BAHCC1: variants seen among roughly 807,000 people sequenced by gnomAD.
BAHCC1 encodes BAH domain and coiled-coil containing 1.
Under a neutral mutation model 88.2 loss-of-function variants are expected in BAHCC1, and 43 were observed. The ratio of observed to expected loss-of-function variants is 0.49; its 90% confidence interval spans 0.38 to 0.63. The LOEUF (loss-of-function observed/expected upper bound fraction) is 0.63, where lower values mean the gene tolerates loss of function less well. Ranked by LOEUF, BAHCC1 falls within the 20% of genes least tolerant of loss-of-function variation. The probability of loss-of-function intolerance (pLI) is 0.00; values close to 1 mark genes in which losing one functional copy is unlikely to be tolerated. For missense variants in BAHCC1, 3,023 were observed against 1,654.8 expected (o/e 1.83, Z -14.34); for synonymous variants, 1,510 against 745.5 (o/e 2.03, Z -16.71).
In BAHCC1 at chr17:81,442,408, A is replaced by G. The variant is rs12939225; in HGVS notation, c.1059A>G (p.Pro353=). ...MLHHTASYAG[P]PPPLSTAAGS... ...ACCACACCGCATCCTACGCCGGGCC[A>G]CCCCCGCCCCTCAGCACAGCCGCCG... The change falls in exon 5 of 28, where the codon CCA becomes CCG. Residue 353 remains proline (P), a synonymous_variant. Coordinates refer to ENST00000675386, the MANE Select transcript of BAHCC1 (RefSeq NM_001377448.1). 348,552 of 690,412 alleles carry G rather than the reference A, an allele frequency of 0.5. 91,258 individuals carry two copies. Among genetic ancestry groups the G allele is most frequent in the African/African-American group, 0.67 (37,360 of 56,120 alleles). The allele number at this position is 690,412 out of a possible 1,614,324, so 42.8% of individuals were successfully genotyped here.
At position 81,442,968 on chromosome 17, in the gene BAHCC1, A is replaced by T. The variant is rs2064451411; in HGVS notation, c.1619A>T (p.Lys540Met). The change falls in exon 5 of 28, where the codon AAG becomes ATG. Residue 540 changes from lysine (K) to methionine (M), a missense_variant. By Grantham distance (95) the Lys-to-Met change is moderately conservative. Coordinates refer to ENST00000675386, the MANE Select transcript of BAHCC1 (RefSeq NM_001377448.1). ...CCGGCCGGCCCCCCAGGGGCACAGA[A>T]GGTGGCCCGCATCAGGCACCAGCAG... ...EAPAGPPGAQ[K>M]VARIRHQQHL... The T allele has an allele frequency of 1.3e-6, 1 of 779,008 alleles. No homozygotes were observed. Among genetic ancestry groups the T allele is most frequent in the South Asian group, 1.3e-5 (1 of 74,618 alleles). The allele number at this position is 779,008 out of a possible 1,614,324, so 48.3% of individuals were successfully genotyped here.
intron 2 of BAHCC1, among the ~76,000 whole-genome samples, chr17:81,400,507 C>G (rs2143169328): frequency 6.6e-6 from 1 of 152,352 alleles, no homozygotes; most frequent in South Asian, 2.1e-4. Context: ...CCTCTGGTAT[C>G]CCGCTAAAGC....
At chr17:81,428,727 G>A (rs1568009283) in intron 3 of BAHCC1, among the ~76,000 whole-genome samples, 1 of 152,208 alleles carries the variant, frequency 6.6e-6, no homozygotes, top group Non-Finnish European at 1.5e-5. Context: ...CACCCACAAC[G>A]GCCTCTAGAC....
intron 23 of BAHCC1, 92 bp downstream of exon 23, chr17:81,459,696 G>A: frequency 5.4e-6 from 4 of 737,668 alleles, no homozygotes; most frequent in East Asian, 5.1e-5. Context: ...CGAGGCTGGC[G>A]AGGGCAGAAC....
chr17:81,399,581 C>A lies in BAHCC1; in HGVS notation c.-159C>A. The A allele has an allele frequency of 2.2e-6, 1 of 459,296 alleles. No individual in the cohort carries two copies. The highest frequency in any genetic ancestry group is 1.7e-5 in the South Asian group (1 of 58,354). The allele number at this position is 459,296 out of a possible 1,614,324, so 28.5% of individuals were successfully genotyped here. On this transcript the variant is annotated 5_prime_UTR_variant, in exon 2 of 28. Transcript: ENST00000675386. The surrounding 1 kb of genome is among the most constrained non-coding windows in gnomAD (Gnocchi z 4.5). ...GCTGGCTCGGTGCGCGGCCGCCCGC[C>A]GAGAAGCCCAGTCCTCCCGCGTGCT...
chr17:81,424,764 GA>G, intron 2 of BAHCC1, among the ~76,000 whole-genome samples: 1 of 152,008 alleles, frequency 6.6e-6, no homozygotes, highest in African/African-American at 2.4e-5. Context: ...GGGTGGTGTT[GA>G]TGTGGTTGGT....
At position 81,456,572 on chromosome 17, in the gene BAHCC1, G is replaced by A. The variant is rs782631176; in HGVS notation, c.4845G>A (p.Ala1615=). The change falls in exon 16 of 28, where the codon GCG becomes GCA. Residue 1615 remains alanine, a synonymous_variant. Transcript: ENST00000675386. ...PRCPAQPSVA[A]SQEAGSGYDS... is the part of the protein sequence containing the mutation. ...GCCCAGCCCAGCCCTCCGTGGCTGC[G>A]TCCCAGGAGGCAGGCAAGTTGCTGG... The A allele has an allele frequency of 2.7e-5, 19 of 703,794 alleles. No individual in the cohort carries two copies. The highest frequency in any genetic ancestry group is 6.5e-5 in the Admixed American group (3 of 46,126). 43.6% of individuals were successfully genotyped at this position (703,794 alleles called of 1,614,324 possible).
intron 18 of BAHCC1, 66 bp downstream of exon 18, chr17:81,458,532 C>CCCCCCCCGCA (rs2029937920): frequency 7.7e-6 from 5 of 646,794 alleles, no homozygotes; most frequent in African/African-American, 1.8e-5. Flanking sequence ...CCTTCCCCGC[C>CCCCCCCCGCA]CTCCCCCGCA....
In BAHCC1 at chr17:81,442,045, C is replaced by T. The variant is rs782607836; in HGVS notation, c.696C>T (p.Ala232=). 4.2e-6 allele frequency: 3 copies of T among 719,268 alleles called. No individual in the cohort carries two copies. The highest frequency in any genetic ancestry group is 2.5e-5 in the East Asian group (1 of 39,624). The allele number at this position is 719,268 out of a possible 1,614,324, so 44.6% of individuals were successfully genotyped here. A position where few individuals can be genotyped will look rare whatever the true frequency, so the allele number is the denominator to read the frequency against. The stretch of plus-strand genomic sequence containing the variant: ...TGGGCAGAGAGAAGGCGGGCAAGGC[C>T]GCTGAGGGCAAGGAGCGGCCAGCGG... The part of the protein sequence containing the change: ...KELGREKAGK[A]AEGKERPAAE... The change falls in exon 5 of 28, where the codon GCC becomes GCT. Residue 232 remains alanine (A), a synonymous_variant. Coordinates refer to ENST00000675386, the MANE Select transcript of BAHCC1 (RefSeq NM_001377448.1).
chr17:81,444,935 T>C, intron 8 of BAHCC1, 80 bp from the exon 9 acceptor site: 1 of 685,186 alleles, frequency 1.5e-6, no homozygotes, highest in Middle Eastern at 3.0e-4. Context: ...CTTGGTGGGC[T>C]GAGGAAAGGG....
chr17:81,436,896 A>C (rs554831281), intron 3 of BAHCC1, among the ~76,000 whole-genome samples: 1 of 147,842 alleles, frequency 6.8e-6, no homozygotes, highest in Non-Finnish European at 1.5e-5. Context: ...CCCTGTGCTC[A>C]CGCCCTACAC....
chr17:81,463,209 C>T lies in BAHCC1; in HGVS notation c.7620+233C>T, dbSNP rs761608161. ...GTGGCCCACAGCAGTGCTCAGCATC[C>T]GGCAGGTCTAGTTCACTCCTGGGAT... On this transcript the variant is annotated intron_variant, in intron 27 of 27. Coordinates refer to ENST00000675386, the MANE Select transcript of BAHCC1 (RefSeq NM_001377448.1). Among the ~76,000 whole-genome samples, 40 of 152,170 alleles carry T rather than the reference C, an allele frequency of 2.6e-4. 4 individuals carry two copies. Among genetic ancestry groups the T allele is most frequent in the Admixed American group, 2.4e-3 (36 of 15,286 alleles).
chr17:81,455,285 G>C lies in BAHCC1; in HGVS notation c.4464G>C (p.Leu1488=). 1 of 716,830 alleles carries C rather than the reference G, an allele frequency of 1.4e-6. No individual in the cohort carries two copies. The highest frequency in any genetic ancestry group is 2.6e-6 in the Non-Finnish European group (1 of 385,290). The allele number at this position is 716,830 out of a possible 1,614,324, so 44.4% of individuals were successfully genotyped here. ...CCCCCAGGGCGGTGCGGACAAGCCTGGGTCTGCTGTGTGCGGAGCTGCGAG... is the reference window on the plus strand; with the variant it reads ...CCCCCAGGGCGGTGCGGACAAGCCTCGGTCTGCTGTGTGCGGAGCTGCGAG... ...GKKVKAVRTS[L]GLLCAELRGG... Residue 1488 remains leucine, a synonymous_variant, in exon 15 of 28, where the codon CTG becomes CTC. Transcript: ENST00000675386.
At chr17:81,427,749 G>A (rs908135802) in intron 3 of BAHCC1, among the ~76,000 whole-genome samples, 8,487 of 152,252 alleles carry the variant, frequency 0.056, 340 homozygotes, top group Non-Finnish European at 0.087. Flanking sequence ...CGGCTGGCAC[G>A]CAGAGAGGTA....
At chr17:81,424,144 G>C (rs1455483767) in intron 2 of BAHCC1, among the ~76,000 whole-genome samples, 2 of 152,208 alleles carry the variant, frequency 1.3e-5, no homozygotes, top group African/African-American at 2.4e-5. Flanking sequence ...TTCTCCCTCT[G>C]CTCGCCTGAG....
At chr17:81,453,412 C>G (rs551632256) in intron 14 of BAHCC1, among the ~76,000 whole-genome samples, 1 of 152,250 alleles carries the variant, frequency 6.6e-6, no homozygotes, top group South Asian at 2.1e-4. Flanking sequence ...TGCGTGTGCG[C>G]ACTGCATCAA....
intron 17 of BAHCC1, 32 bp from the exon 18 acceptor site, chr17:81,458,133 A>G (rs1555657840): frequency 1.4e-6 from 1 of 714,694 alleles, no homozygotes; most frequent in Admixed American, 2.0e-5. Flanking sequence ...TAGGATGGGG[A>G]CCCCTGTGAC....
chr17:81,429,524 G>A (rs1488599561), intron 3 of BAHCC1, among the ~76,000 whole-genome samples: 2 of 152,318 alleles, frequency 1.3e-5, no homozygotes, highest in Admixed American at 6.5e-5. Context: ...AGCATGCCTG[G>A]CTGCTAGTTT....
At chr17:81,429,186 A>G (rs2064233158) in intron 3 of BAHCC1, among the ~76,000 whole-genome samples, 1 of 152,138 alleles carries the variant, frequency 6.6e-6, no homozygotes, top group Non-Finnish European at 1.5e-5. Flanking sequence ...GAGGCGGGAC[A>G]AGGGGGTGCA....
Sources: allele counts gnomAD v4.1 joint callset (sites outside exome capture counted in the v4.1 genomes callset), GRCh38; gene constraint gnomAD v4.1.1; non-coding constraint Gnocchi (gnomAD v3.1); transcripts MANE v1.5; gene names NCBI Gene and HGNC (gene_info 2026-07-23, HGNC 2026-07-21).